The following CTNNA3 variants were observed in gnomAD, a reference collection of about 807,000 sequenced individuals.
CTNNA3 encodes the protein catenin alpha 3, also known as catenin alpha-3.
A neutral mutation model predicts 95.7 loss-of-function variants in CTNNA3; 76 were observed. That is an observed-to-expected ratio of 0.79 (90% confidence interval 0.66 to 0.96). The LOEUF is 0.96. Ranked by LOEUF, CTNNA3 falls within the 40% of genes least tolerant of loss-of-function variation. CTNNA3 has a pLI of 0.00. For missense variants in CTNNA3, 1,191 were observed against 1,089.8 expected (o/e 1.09, Z -1.31); for synonymous variants, 431 against 374.4 (o/e 1.15, Z -1.74).
Position 67,424,877 on chromosome 10 carries a change from C to G in CTNNA3, c.579+96965G>C, listed in dbSNP as rs1245586816. Reference sequence around the variant, plus strand: ...TCAATCAATGTTTGTTAAATGAATACATAGGTCTGCTAACTTTCCCACTTC... The same window carrying G: ...TCAATCAATGTTTGTTAAATGAATAGATAGGTCTGCTAACTTTCCCACTTC... On this transcript the variant is annotated intron_variant, in intron 5 of 17. Transcript: ENST00000433211. Among the ~76,000 whole-genome samples the G allele has an allele frequency of 2.0e-5, 3 of 152,188 alleles. No individual in the cohort carries two copies. In the East Asian group the frequency reaches 5.8e-4, roughly 29 times the overall value.
At chr10:66,529,378 C>T (rs375929697) in intron 10 of CTNNA3, among the ~76,000 whole-genome samples, 81 of 151,208 alleles carry the variant, frequency 5.4e-4, no homozygotes, top group Middle Eastern at 3.5e-3. Flanking sequence ...GTGATCCACC[C>T]GCCTTGGCCT....
chr10:65,917,530 T>C lies in CTNNA3; in HGVS notation c.*2800A>G, dbSNP rs1589126731. On this transcript the variant is annotated 3_prime_UTR_variant, in exon 18 of 18. Coordinates refer to ENST00000433211, the MANE Select transcript of CTNNA3 (RefSeq NM_013266.4). ...AGGGATACTGGTGGGTAACCAGGGATGGAACTGCTCCTGTGGGTGGTAAAC... is the reference window on the plus strand; with the variant it reads ...AGGGATACTGGTGGGTAACCAGGGACGGAACTGCTCCTGTGGGTGGTAAAC... The C allele has an allele frequency of 6.6e-6, 1 of 151,938 alleles. No individual in the cohort carries two copies. The allele number at this position is 151,938 out of a possible 1,614,324, so 9.4% of individuals were successfully genotyped here. A position where few individuals can be genotyped will look rare whatever the true frequency, so the allele number is the denominator to read the frequency against.
intron 9 of CTNNA3, among the ~76,000 whole-genome samples, chr10:66,624,617 T>A (rs1435131582): frequency 6.6e-6 from 1 of 152,132 alleles, no homozygotes; most frequent in Non-Finnish European, 1.5e-5. Flanking sequence ...ATGTATGCCC[T>A]ACTGAAAGGC....
chr10:67,750,642 T>A, intron 1 of CTNNA3: 1 of 1,548,074 alleles, frequency 6.5e-7, no homozygotes, highest in Non-Finnish European at 8.9e-7. Context: ...AGTCTGGGGA[T>A]GATTTTTTCC....
intron 4 of CTNNA3, among the ~76,000 whole-genome samples, chr10:67,535,461 T>C (rs549245391): frequency 9.4e-4 from 135 of 144,054 alleles, no homozygotes; most frequent in African/African-American, 3.7e-3. Context: ...TACCTTTACA[T>C]AATTAAAAAA....
rs77022691 is a variant in CTNNA3 at position 67,423,818 on chromosome 10, A to G, written c.579+98024T>C. Among the ~76,000 whole-genome samples the G allele has an allele frequency of 0.027, 4,035 of 152,236 alleles. 388 individuals are homozygous for G. The East Asian group carries it at 0.34, about 13-fold the overall frequency. The stretch of plus-strand genomic sequence containing the variant: ...ACTTGGCACATAGTGTGCTCAATCA[A>G]TGTTTGCTGAATAAATGAAGGTCGG... On this transcript the variant is annotated intron_variant, in intron 5 of 17. Coordinates refer to ENST00000433211, the MANE Select transcript of CTNNA3 (RefSeq NM_013266.4).
At chr10:67,742,244 G>T (rs141514578) in intron 1 of CTNNA3, among the ~76,000 whole-genome samples, 13,776 of 151,070 alleles carry the variant, frequency 0.091, 1,616 homozygotes, top group African/African-American at 0.26. Context: ...TTACCACATA[G>T]TTGGAAGTAA....
chr10:66,910,318 A>G (rs1846168146), intron 7 of CTNNA3, among the ~76,000 whole-genome samples: 2 of 152,188 alleles, frequency 1.3e-5, no homozygotes, highest in Non-Finnish European at 2.9e-5. Context: ...CAGATGGTAA[A>G]TAATCTTTGT....
intron 5 of CTNNA3, among the ~76,000 whole-genome samples, chr10:67,238,009 A>C (rs982902102): frequency 2.0e-5 from 3 of 152,148 alleles, no homozygotes; most frequent in African/African-American, 7.2e-5. Context: ...GGGAGTAGGG[A>C]AGAGAAGATA....
At chr10:67,526,613 A>G (rs1411869336) in intron 4 of CTNNA3, among the ~76,000 whole-genome samples, 1 of 152,076 alleles carries the variant, frequency 6.6e-6, no homozygotes, top group Non-Finnish European at 1.5e-5. Flanking sequence ...TTGTGAAATC[A>G]GTTGAGGAAA....
chr10:66,108,941 C>A (rs2133769349), intron 13 of CTNNA3, among the ~76,000 whole-genome samples: 1 of 152,224 alleles, frequency 6.6e-6, no homozygotes, highest in East Asian at 1.9e-4. Context: ...TAAAAAAATC[C>A]TATGGAAACT....
At position 66,335,741 on chromosome 10, in the gene CTNNA3, C is replaced by A. The variant is rs192427475; in HGVS notation, c.1732+43411G>T. ...CTCCAGCTGCGTGCTGGGAGAACCA[C>A]TACTCTCTTTAAACCTGTCAGACAG... On this transcript the variant is annotated intron_variant, in intron 12 of 17. Coordinates refer to ENST00000433211, the MANE Select transcript of CTNNA3 (RefSeq NM_013266.4). 1.5e-3 allele frequency among the ~76,000 whole-genome samples: 234 copies of A among 152,256 alleles called. 1 individual carries two copies. The highest frequency in any genetic ancestry group is 5.6e-3 in the African/African-American group (233 of 41,576).
rs545572903 is a variant in CTNNA3 at position 66,393,657 on chromosome 10, T to A, written c.1532-14305A>T. ...TTCACACAGTAACACCTTCTGGTTG[T>A]CAACTGGTTTCTTGGAGTTTTTAAC... On this transcript the variant is annotated intron_variant, in intron 11 of 17. Coordinates refer to ENST00000433211, the MANE Select transcript of CTNNA3 (RefSeq NM_013266.4). Among the ~76,000 whole-genome samples, 5 of 152,234 alleles carry A rather than the reference T, an allele frequency of 3.3e-5. No individual in the cohort carries two copies. The South Asian group carries it at 8.3e-4, about 25-fold the overall frequency.
At chr10:67,135,317 G>A (rs936821013) in intron 7 of CTNNA3, among the ~76,000 whole-genome samples, 6 of 151,934 alleles carry the variant, frequency 3.9e-5, no homozygotes, top group Admixed American at 6.6e-5. Flanking sequence ...CATAATCCCC[G>A]CTTCACAATG....
intron 7 of CTNNA3, among the ~76,000 whole-genome samples, chr10:66,943,649 A>T (rs1220536018): frequency 6.6e-6 from 1 of 152,298 alleles, no homozygotes; most frequent in East Asian, 1.9e-4. Flanking sequence ...TCAAGAATTA[A>T]ACATGCTACT....
chr10:66,392,354 T>C (rs1009951012), intron 11 of CTNNA3, among the ~76,000 whole-genome samples: 1 of 151,864 alleles, frequency 6.6e-6, no homozygotes, highest in African/African-American at 2.4e-5. Context: ...TGCTTGAACC[T>C]GGGAGGTGGA....
intron 6 of CTNNA3, among the ~76,000 whole-genome samples, chr10:67,188,098 G>T (rs1023354728): frequency 6.6e-6 from 1 of 152,188 alleles, no homozygotes; most frequent in Non-Finnish European, 1.5e-5. Flanking sequence ...ACAAAAATAC[G>T]TAACTACAAT....
intron 1 of CTNNA3, among the ~76,000 whole-genome samples, chr10:67,724,283 G>A (rs968899053): frequency 2.0e-5 from 3 of 152,084 alleles, no homozygotes; most frequent in Admixed American, 1.3e-4. Context: ...TGTTGAACTG[G>A]ATCATTCACA....
At chr10:67,223,049 A>C (rs1245950544) in intron 5 of CTNNA3, among the ~76,000 whole-genome samples, 1 of 152,228 alleles carries the variant, frequency 6.6e-6, no homozygotes, top group Admixed American at 6.5e-5. Context: ...TACAGAATCC[A>C]TGAGCCCAAA....
Sources: allele counts gnomAD v4.1 joint callset (sites outside exome capture counted in the v4.1 genomes callset), GRCh38; gene constraint gnomAD v4.1.1; transcripts MANE v1.5; gene names NCBI Gene and HGNC (gene_info 2026-07-23, HGNC 2026-07-21).